The following FOCAD variants were observed in gnomAD, a reference collection of about 807,000 sequenced individuals.
FOCAD encodes focadhesin, also known as KIAA1797.
FOCAD carries 198 observed loss-of-function variants against 225.6 expected under a neutral mutation model. That is an observed-to-expected ratio of 0.88 (90% CI 0.78 to 0.99). The LOEUF is 0.99. Among genes scored for constraint, FOCAD ranks in the 50% least tolerant of loss-of-function variants. The pLI is 0.00. For missense variants in FOCAD, 2,713 were observed against 2,123.6 expected, an observed-to-expected ratio of 1.28 and a Z score of -5.46; for synonymous variants, 897 against 755.0, an observed-to-expected ratio of 1.19 and a Z score of -3.08.
chr9:20,785,040 G>A (rs900488631), intron 10 of FOCAD, among the ~76,000 whole-genome samples: 10 of 151,846 alleles, frequency 6.6e-5, no homozygotes, highest in African/African-American at 1.9e-4. Flanking sequence ...TCATGGGGTG[G>A]TTTATTGAGC....
In FOCAD at chr9:20,948,945, T is replaced by C; in HGVS notation, c.3876+17T>C. 4 of 1,610,626 alleles carry C rather than the reference T, an allele frequency of 2.5e-6. No individual in the cohort carries two copies. Among genetic ancestry groups the C allele is most frequent in the Non-Finnish European group, 3.4e-6 (4 of 1,177,126 alleles). On this transcript the variant is annotated intron_variant, in intron 32 of 43. Coordinates refer to ENST00000338382, the MANE Select transcript of FOCAD (RefSeq NM_001375567.1). ...GTAATGCAGGTAAAGAAAGGAACCA[T>C]GGAGGGGAAGACATCTAAATATGTA...
chr9:20,994,035 A>G (rs1841880990), intron 43 of FOCAD, among the ~76,000 whole-genome samples: 1 of 152,236 alleles, frequency 6.6e-6, no homozygotes, highest in Non-Finnish European at 1.5e-5. Flanking sequence ...ATAATCATAT[A>G]CAATTGAAAA....
chr9:20,754,431 T>C (rs1828854447), intron 5 of FOCAD, among the ~76,000 whole-genome samples: 1 of 152,202 alleles, frequency 6.6e-6, no homozygotes, highest in African/African-American at 2.4e-5. Context: ...TAGTGTGTTC[T>C]GTTACTCTTG....
chr9:20,932,389 C>T (rs1181942416), intron 27 of FOCAD, among the ~76,000 whole-genome samples: 1 of 152,148 alleles, frequency 6.6e-6, no homozygotes, highest in East Asian at 1.9e-4. Flanking sequence ...TGATGAAGCC[C>T]ACAAATCTGC....
intron 2 of FOCAD, among the ~76,000 whole-genome samples, chr9:20,667,591 A>G (rs1327528145): frequency 2.0e-5 from 3 of 152,224 alleles, no homozygotes; most frequent in Admixed American, 6.5e-5. Flanking sequence ...GGGTTCAGGA[A>G]CATCCCTGCG....
At position 20,839,462 on chromosome 9, in the gene FOCAD, T is replaced by C. The variant is rs1000413721; in HGVS notation, c.1920+16347T>C. ...TTTTTTGTAGAGACTGGGTTTGCCATGTTGCCCAGGCTGGTTTCAAACTCC... is the reference window on the plus strand; with the variant it reads ...TTTTTTGTAGAGACTGGGTTTGCCACGTTGCCCAGGCTGGTTTCAAACTCC... On this transcript the variant is annotated intron_variant, in intron 15 of 43. Coordinates refer to ENST00000338382, the MANE Select transcript of FOCAD (RefSeq NM_001375567.1). Among the ~76,000 whole-genome samples the C allele has an allele frequency of 2.0e-5, 3 of 151,844 alleles. No individual in the cohort carries two copies. The East Asian group carries it at 5.8e-4, about 29-fold the overall frequency.
chr9:20,855,357 G>A (rs551742956), intron 15 of FOCAD, among the ~76,000 whole-genome samples: 1 of 151,504 alleles, frequency 6.6e-6, no homozygotes, highest in Non-Finnish European at 1.5e-5. Context: ...TAGATGGAAG[G>A]CAGATCATGA....
chr9:20,781,876 C>G lies in FOCAD; in HGVS notation c.1144C>G (p.Leu382Val), dbSNP rs746030396. Residue 382 changes from leucine (L) to valine (V), a missense_variant, in exon 10 of 44, where the codon CTA becomes GTA. Transcript: ENST00000338382. ...EEGPSRQQLA[L>V]NLLEMIQQEC... ...AGGTCCCTCTAGGCAGCAGTTGGCT[C>G]TAAACCTTTTGGAAATGATACAGCA... 3.3e-5 allele frequency: 53 copies of G among 1,614,046 alleles called. No homozygotes were observed. Among genetic ancestry groups the G allele is most frequent in the Non-Finnish European group, 4.2e-5 (50 of 1,179,970 alleles).
chr9:20,954,776 G>A (rs1477104816), intron 35 of FOCAD, among the ~76,000 whole-genome samples: 6 of 152,120 alleles, frequency 3.9e-5, no homozygotes, highest in Non-Finnish European at 7.4e-5. Flanking sequence ...GAGGGCTGTC[G>A]TCTTGTCAGG....
chr9:20,709,635 T>C (rs1354962708), intron 1 of FOCAD, among the ~76,000 whole-genome samples: 2 of 152,116 alleles, frequency 1.3e-5, no homozygotes, highest in African/African-American at 4.8e-5. Flanking sequence ...CCAATGTTTG[T>C]GATTAACCTT....
intron 6 of FOCAD, among the ~76,000 whole-genome samples, chr9:20,760,929 C>G (rs1367271219): frequency 6.6e-6 from 1 of 151,628 alleles, no homozygotes; most frequent in Non-Finnish European, 1.5e-5. Context: ...GGGAAGAAAG[C>G]AAAATGTTGT....
At chr9:20,985,523 A>G (rs1841077406) in intron 39 of FOCAD, among the ~76,000 whole-genome samples, 1 of 152,316 alleles carries the variant, frequency 6.6e-6, no homozygotes, top group Admixed American at 6.5e-5. Flanking sequence ...TAATCTGTCA[A>G]ATACCCAGGT....
intron 11 of FOCAD, among the ~76,000 whole-genome samples, chr9:20,815,712 A>T (rs1245374022): frequency 6.6e-6 from 1 of 152,102 alleles, no homozygotes; most frequent in Non-Finnish European, 1.5e-5. Flanking sequence ...ATGAAGCCAG[A>T]TCTTGAGACA....
At chr9:20,775,810 G>A (rs898318772) in intron 8 of FOCAD, among the ~76,000 whole-genome samples, 4 of 151,962 alleles carry the variant, frequency 2.6e-5, no homozygotes, top group African/African-American at 9.7e-5. Context: ...GGACTCCTCC[G>A]ACATCTGTGG....
intron 3 of FOCAD, among the ~76,000 whole-genome samples, chr9:20,718,450 A>G (rs369818231): frequency 6.6e-6 from 1 of 150,858 alleles, no homozygotes; most frequent in Admixed American, 6.6e-5. Flanking sequence ...CTCTTCTTTT[A>G]AGAGAGGTGT....
rs12003406 is a variant in FOCAD, at chr9:20,752,477, G to A, written c.393-5613G>A. Reference sequence around the variant, plus strand: ...AAAGATCAGATAGTTGTAGATATGCGGCGTTATTTCTGAGAGCTCTGTTCT... The same window carrying A: ...AAAGATCAGATAGTTGTAGATATGCAGCGTTATTTCTGAGAGCTCTGTTCT... On this transcript the variant is annotated intron_variant, in intron 5 of 43. Coordinates refer to ENST00000338382, the MANE Select transcript of FOCAD (RefSeq NM_001375567.1). 3.9e-3 allele frequency among the ~76,000 whole-genome samples: 589 copies of A among 152,160 alleles called. 5 individuals are homozygous for A. Among genetic ancestry groups the A allele is most frequent in the African/African-American group, 0.013 (543 of 41,506 alleles).
intron 1 of FOCAD, among the ~76,000 whole-genome samples, chr9:20,711,807 T>C (rs939897900): frequency 1.3e-5 from 2 of 152,188 alleles, no homozygotes; most frequent in African/African-American, 4.8e-5. Flanking sequence ...AGATGACGAC[T>C]GATAGCTGTG....
intron 2 of FOCAD, among the ~76,000 whole-genome samples, chr9:20,663,279 G>A (rs1415953276): frequency 6.6e-6 from 1 of 152,042 alleles, no homozygotes; most frequent in Non-Finnish European, 1.5e-5. Context: ...GTATTCCTGA[G>A]CTCAGGAGTT....
intron 7 of FOCAD, among the ~76,000 whole-genome samples, chr9:20,769,259 T>A (rs1817932844): frequency 2.0e-5 from 3 of 152,256 alleles, no homozygotes; most frequent in Admixed American, 2.0e-4. Flanking sequence ...ATTATGGTGA[T>A]AACCACTGGT....
Sources: gnomAD v4.1 joint callset for allele counts (sites outside exome capture counted in the v4.1 genomes callset) on GRCh38, gnomAD v4.1.1 for gene constraint, MANE v1.5 for transcripts, NCBI Gene and HGNC (gene_info 2026-07-23, HGNC 2026-07-21) for gene names.